DGKI: variants seen among roughly 807,000 people sequenced by gnomAD.
DGKI encodes the protein diacylglycerol kinase iota.
A neutral mutation model predicts 147.5 loss-of-function variants in DGKI; 55 were observed. That is an observed-to-expected ratio of 0.37 (90% CI 0.30 to 0.47). DGKI has a LOEUF of 0.47. Ranked by LOEUF, DGKI falls within the 20% of genes least tolerant of loss-of-function variation. DGKI has a pLI of 1.00. For missense variants in DGKI, 1,007 were observed against 1,323.8 expected (o/e 0.76, Z 3.71); for synonymous variants, 469 against 477.1 (o/e 0.98, Z 0.22).
At chr7:137,448,186 A>G (rs1009911973) in intron 27 of DGKI, among the ~76,000 whole-genome samples, 1 of 152,036 alleles carries the variant, frequency 6.6e-6, no homozygotes, top group African/African-American at 2.4e-5. Context: ...AAGTAGACCC[A>G]AACCTAGAAG....
rs1056320481 is a variant in DGKI, at chr7:137,571,283, A to G, written c.1839T>C (p.Tyr613=). 6 of 1,609,038 alleles carry G rather than the reference A, an allele frequency of 3.7e-6. No homozygotes were observed. The highest frequency in any genetic ancestry group is 5.1e-6 in the Non-Finnish European group (6 of 1,177,218). ...QCIVFLNIPR[Y]CAGTMPWGNP... ...TTCCCCAGGGCATTGTGCCAGCACA[A>G]TATCTGCAAGAGAAGATTAAAGACA... Residue 613 remains tyrosine (Y), a synonymous_variant, in exon 19 of 33, where the codon TAT becomes TAC. Coordinates refer to ENST00000614521, the MANE Select transcript of DGKI (RefSeq NM_001321708.2).
chr7:137,412,306 T>C, intron 28 of DGKI, 99 bp from the exon 29 acceptor site: 1 of 1,132,058 alleles, frequency 8.8e-7, no homozygotes, highest in Non-Finnish European at 1.3e-6. Flanking sequence ...AGTCTACATT[T>C]GGGGCAGGAA....
At chr7:137,691,767 C>A (rs1002438212) in intron 1 of DGKI, among the ~76,000 whole-genome samples, 23 of 144,692 alleles carry the variant, frequency 1.6e-4, no homozygotes, top group Middle Eastern at 3.5e-3. Context: ...CCAAGTATGT[C>A]AGAGAGCTCA....
chr7:137,736,296 T>C (rs1795020639), intron 1 of DGKI, among the ~76,000 whole-genome samples: 1 of 152,038 alleles, frequency 6.6e-6, no homozygotes, highest in African/African-American at 2.4e-5. Flanking sequence ...TAGCATGCAA[T>C]CTCCATCAAG....
intron 19 of DGKI, among the ~76,000 whole-genome samples, chr7:137,562,185 T>C (rs1381202881): frequency 6.6e-6 from 1 of 152,114 alleles, no homozygotes; most frequent in Admixed American, 6.5e-5. Context: ...TCAAAGCAAA[T>C]ACATTAATGC....
chr7:137,747,993 C>T (rs1248078714), intron 1 of DGKI, among the ~76,000 whole-genome samples: 19 of 152,196 alleles, frequency 1.2e-4, no homozygotes, highest in Admixed American at 1.2e-3. Flanking sequence ...TAAAGGTTGA[C>T]ACTTGTCCAA....
chr7:137,484,784 TA>T (rs1815496235), intron 23 of DGKI, among the ~76,000 whole-genome samples: 1 of 152,054 alleles, frequency 6.6e-6, no homozygotes. Flanking sequence ...CTGGGTTTAT[TA>T]GATTGTCCAA....
chr7:137,512,920 T>C (rs1357818394), intron 21 of DGKI, among the ~76,000 whole-genome samples: 2 of 152,124 alleles, frequency 1.3e-5, no homozygotes, highest in African/African-American at 4.8e-5. Context: ...TAGAAAGACA[T>C]AGAGTAGGCT....
In DGKI at chr7:137,820,954, T is replaced by G. The variant is rs141137359; in HGVS notation, c.401+25508A>C. ...TCAGAGCAACCCTCCCCTCCTCCCC[T>G]GGGGCCCAGCCCTAGAGGGGGAGAG... On this transcript the variant is annotated intron_variant, in intron 1 of 32. Transcript: ENST00000614521. Among the ~76,000 whole-genome samples, 768 of 152,208 alleles carry G rather than the reference T, an allele frequency of 5.0e-3. 7 individuals carry two copies. The highest frequency in any genetic ancestry group is 0.018 in the African/African-American group (743 of 41,566).
rs752741004 is a variant in DGKI at position 137,407,853 on chromosome 7, T to A, written c.2920+22A>T. 13 of 1,612,308 alleles carry A rather than the reference T, an allele frequency of 8.1e-6. 1 individual carries two copies. The Admixed American group carries it at 2.2e-4, about 27-fold the overall frequency. On this transcript the variant is annotated intron_variant, in intron 30 of 32. Transcript: ENST00000614521. ...GATTTCACAGGTAAGTGATCCTTGG[T>A]AAGTTCACTATGCCTACTTACCGTG...
At chr7:137,769,519 C>T (rs912067848) in intron 1 of DGKI, among the ~76,000 whole-genome samples, 1 of 152,160 alleles carries the variant, frequency 6.6e-6, no homozygotes, top group African/African-American at 2.4e-5. Context: ...GCAAAAGAAA[C>T]TACCATCAGA....
At position 137,743,844 on chromosome 7, in the gene DGKI, G is replaced by A. The variant is rs532548635; in HGVS notation, c.402-53842C>T. 3.9e-5 allele frequency among the ~76,000 whole-genome samples: 6 copies of A among 152,064 alleles called. No individual in the cohort carries two copies. In the South Asian group the frequency reaches 1.0e-3, roughly 26 times the overall value. Reference sequence around the variant, plus strand: ...TAAAAATACAAAAAATTAGCTGGGCGTGGTGGCAGGCGCCTGTAGTCCCAG... The same window carrying A: ...TAAAAATACAAAAAATTAGCTGGGCATGGTGGCAGGCGCCTGTAGTCCCAG... On this transcript the variant is annotated intron_variant, in intron 1 of 32. Transcript: ENST00000614521.
In DGKI at chr7:137,552,485, C is replaced by T; in HGVS notation, c.2031G>A (p.Met677Ile). 1 of 1,614,148 alleles carries T rather than the reference C, an allele frequency of 6.2e-7. No individual in the cohort carries two copies. Among genetic ancestry groups the T allele is most frequent in the Non-Finnish European group, 8.5e-7 (1 of 1,179,992 alleles). Reference protein sequence around the residue: ...VMLLTYKSIPMQVDGEPCRLA... With the variant: ...VMLLTYKSIPIQVDGEPCRLA... ...ACCTACAGGGCTCCCCATCCACTTG[C>T]ATGGGGATGGATTTGTAAGTTAGAA... Residue 677 changes from methionine to isoleucine, a missense_variant, in exon 20 of 33, where the codon ATG becomes ATA. Coordinates refer to ENST00000614521, the MANE Select transcript of DGKI (RefSeq NM_001321708.2).
intron 28 of DGKI, among the ~76,000 whole-genome samples, chr7:137,417,694 G>A (rs1812410383): frequency 6.6e-6 from 1 of 152,196 alleles, no homozygotes; most frequent in Non-Finnish European, 1.5e-5. Context: ...GTATTAAGAG[G>A]TGGGGCCTTT....
intron 30 of DGKI, among the ~76,000 whole-genome samples, chr7:137,402,514 C>T (rs1433019968): frequency 6.6e-6 from 1 of 152,256 alleles, no homozygotes; most frequent in East Asian, 1.9e-4. Context: ...ATAGGCTCTT[C>T]TGTTGGATAC....
chr7:137,438,628 G>C (rs1813373884), intron 28 of DGKI, among the ~76,000 whole-genome samples: 1 of 152,118 alleles, frequency 6.6e-6, no homozygotes, highest in South Asian at 2.1e-4. Flanking sequence ...AATGTTCATA[G>C]TAATATTGTT....
At chr7:137,745,729 T>C (rs1360265597) in intron 1 of DGKI, among the ~76,000 whole-genome samples, 4 of 152,064 alleles carry the variant, frequency 2.6e-5, no homozygotes, top group Non-Finnish European at 4.4e-5. Flanking sequence ...AGAGAAGCCA[T>C]AAAGTGCTTT....
intron 1 of DGKI, among the ~76,000 whole-genome samples, chr7:137,787,268 T>C (rs1796702523): frequency 6.6e-6 from 1 of 150,564 alleles, no homozygotes; most frequent in South Asian, 2.1e-4. Context: ...CGCAAACAAA[T>C]CAGCAAGAAA....
At chr7:137,656,984 C>T (rs1374801065) in intron 3 of DGKI, among the ~76,000 whole-genome samples, 1 of 152,184 alleles carries the variant, frequency 6.6e-6, no homozygotes, top group African/African-American at 2.4e-5. Context: ...AACAGGCATT[C>T]TTTCCCTATT....
Sources: gnomAD v4.1 joint callset for allele counts (sites outside exome capture counted in the v4.1 genomes callset) on GRCh38, gnomAD v4.1.1 for gene constraint, MANE v1.5 for transcripts, NCBI Gene and HGNC (gene_info 2026-07-23, HGNC 2026-07-21) for gene names.